Variants in CCDC88A observed in about 807,000 individuals in gnomAD.
CCDC88A encodes coiled-coil and HOOK domain protein 88A.
A neutral mutation model predicts 234.3 loss-of-function variants in CCDC88A; 54 were observed. The ratio of observed to expected loss-of-function variants is 0.23; its 90% CI spans 0.19 to 0.29. The LOEUF (loss-of-function observed/expected upper bound fraction) is 0.29, where lower values mean the gene tolerates loss of function less well. CCDC88A is among the 10% of genes least tolerant of loss of function. CCDC88A has a pLI of 1.00. For missense variants in CCDC88A, 1,832 were observed against 2,123.4 expected (o/e 0.86, Z 2.70); for synonymous variants, 753 against 737.8 (o/e 1.02, Z -0.33).
chr2:55,398,807 G>A (rs994951055), intron 2 of CCDC88A, among the ~76,000 whole-genome samples: 8 of 151,344 alleles, frequency 5.3e-5, no homozygotes, highest in Non-Finnish European at 1.0e-4. Flanking sequence ...TGAGGCTGCA[G>A]TGGACTGTGA....
intron 17 of CCDC88A, among the ~76,000 whole-genome samples, chr2:55,326,401 T>C (rs188130322): frequency 6.6e-6 from 1 of 152,320 alleles, no homozygotes; most frequent in Admixed American, 6.5e-5. Context: ...ATTTAGTGGT[T>C]ACTTTAACCC....
At chr2:55,397,622 T>C (rs138068785) in intron 2 of CCDC88A, among the ~76,000 whole-genome samples, 1 of 152,178 alleles carries the variant, frequency 6.6e-6, no homozygotes, top group Non-Finnish European at 1.5e-5. Context: ...ATACATTTTA[T>C]AATGTAAATG....
In CCDC88A at chr2:55,309,306, T is replaced by G. The variant is rs1250543788; in HGVS notation, c.4080-52A>C. ...ACAGGCATCATATTTTGTACAGCTA[T>G]GAATATTAAATTATTTGGTGACTGT... On this transcript the variant is annotated intron_variant, in intron 23 of 32. Transcript: ENST00000436346. The surrounding 1 kb of genome is among the most constrained non-coding windows in gnomAD (Gnocchi z 5.1). The G allele has an allele frequency of 1.2e-6, 1 of 811,500 alleles. No individual in the cohort carries two copies. The highest frequency in any genetic ancestry group is 2.7e-5 in the East Asian group (1 of 37,080). The allele number at this position is 811,500 out of a possible 1,614,324, so 50.3% of individuals were successfully genotyped here.
chr2:55,394,929 T>C (rs1326348480), intron 2 of CCDC88A, among the ~76,000 whole-genome samples: 1 of 152,002 alleles, frequency 6.6e-6, no homozygotes, highest in Non-Finnish European at 1.5e-5. Context: ...CACTGCAACC[T>C]CCACCTTCTG....
At chr2:55,392,853 C>A (rs1676869438) in intron 2 of CCDC88A, among the ~76,000 whole-genome samples, 1 of 148,194 alleles carries the variant, frequency 6.7e-6, no homozygotes, top group Admixed American at 6.7e-5. Context: ...GGAGTCTATT[C>A]TGTCCCACTA....
At chr2:55,333,254 A>G (rs1175698102) in intron 15 of CCDC88A, among the ~76,000 whole-genome samples, 2 of 152,222 alleles carry the variant, frequency 1.3e-5, no homozygotes, top group Non-Finnish European at 2.9e-5. Context: ...CAGAATGCTA[A>G]TATACTTTTA....
intron 3 of CCDC88A, among the ~76,000 whole-genome samples, chr2:55,380,110 C>T (rs1186320473): frequency 6.7e-6 from 1 of 148,210 alleles, no homozygotes; most frequent in African/African-American, 2.5e-5. Flanking sequence ...CTGGCACACA[C>T]CTGTCATCCC....
intron 5 of CCDC88A, among the ~76,000 whole-genome samples, chr2:55,367,272 G>A (rs1558752195): frequency 2.0e-5 from 3 of 152,068 alleles, no homozygotes; most frequent in Non-Finnish European, 4.4e-5. Context: ...CATTTAATGG[G>A]TACAGAGTTT....
chr2:55,390,642 C>G (rs1402852831), intron 2 of CCDC88A, among the ~76,000 whole-genome samples: 2 of 152,196 alleles, frequency 1.3e-5, no homozygotes, highest in African/African-American at 4.8e-5. Context: ...GCAGGTAATG[C>G]AAAGCTAGGT....
chr2:55,342,023 A>G (rs1668574491), intron 12 of CCDC88A, among the ~76,000 whole-genome samples: 1 of 152,312 alleles, frequency 6.6e-6, no homozygotes, highest in African/African-American at 2.4e-5. Flanking sequence ...ACCAGTTTAC[A>G]TTCCCACCTA....
chr2:55,327,641 G>A (rs1326090562), intron 17 of CCDC88A, among the ~76,000 whole-genome samples: 1 of 152,152 alleles, frequency 6.6e-6, no homozygotes, highest in East Asian at 1.9e-4. Flanking sequence ...AGTTAACCTT[G>A]AGACCACTCC....
chr2:55,331,863 A>G (rs2104679910), intron 16 of CCDC88A: 1 of 152,136 alleles, frequency 6.6e-6, no homozygotes, highest in African/African-American at 2.4e-5. Context: ...ATTTATCTTT[A>G]AGTCAACATT....
At chr2:55,378,434 G>C (rs1176702645) in intron 3 of CCDC88A, among the ~76,000 whole-genome samples, 1 of 152,058 alleles carries the variant, frequency 6.6e-6, no homozygotes, top group African/African-American at 2.4e-5. Context: ...ATTGTATTTG[G>C]GTAGAATGAA....
intron 7 of CCDC88A, 65 bp from the exon 8 acceptor site, chr2:55,355,816 A>G: frequency 7.9e-7 from 1 of 1,261,504 alleles, no homozygotes; most frequent in Admixed American, 2.0e-5. Flanking sequence ...CATCAACATG[A>G]TCCACTAGGT....
At position 55,300,940 on chromosome 2, in the gene CCDC88A, A is replaced by C. The variant is rs2104569841; in HGVS notation, c.4744+266T>G. On this transcript the variant is annotated intron_variant, in intron 28 of 32. Coordinates refer to ENST00000436346, the MANE Select transcript of CCDC88A (RefSeq NM_001365480.1). ...TCTTATAACTTTAATCTTATACAAAAATGGTAAGAAAATTACCTTTGAAGA... is the reference window on the plus strand; with the variant it reads ...TCTTATAACTTTAATCTTATACAAACATGGTAAGAAAATTACCTTTGAAGA... 9.3e-6 allele frequency: 3 copies of C among 322,242 alleles called. No homozygotes were observed. In the East Asian group the frequency reaches 1.7e-4, roughly 18 times the overall value. 20.0% of individuals were successfully genotyped at this position (322,242 alleles called of 1,614,324 possible).
chr2:55,335,286 T>C lies in CCDC88A; in HGVS notation c.1657-122A>G, dbSNP rs993955708. The C allele has an allele frequency of 5.4e-6, 3 of 558,838 alleles. No individual in the cohort carries two copies. Among genetic ancestry groups the C allele is most frequent in the African/African-American group, 3.9e-5 (2 of 51,426 alleles). The allele number at this position is 558,838 out of a possible 1,614,324, so 34.6% of individuals were successfully genotyped here. On this transcript the variant is annotated intron_variant, in intron 14 of 32. Transcript: ENST00000436346. The surrounding 1 kb of genome is among the most constrained non-coding windows in gnomAD (Gnocchi z 4.5). ...AGGGTGCTAGAACATGTCTTACTTTTAATTCTGACAAGTATTTACTGAAGA... is the reference window on the plus strand; with the variant it reads ...AGGGTGCTAGAACATGTCTTACTTTCAATTCTGACAAGTATTTACTGAAGA...
intron 25 of CCDC88A, chr2:55,308,442 T>C (rs1255049894): frequency 5.7e-6 from 1 of 176,936 alleles, no homozygotes; most frequent in Non-Finnish European, 1.2e-5. Context: ...AAGTTATATA[T>C]AATTATGAAA....
chr2:55,390,023 A>G (rs1327914869), intron 2 of CCDC88A, among the ~76,000 whole-genome samples: 1 of 137,270 alleles, frequency 7.3e-6, no homozygotes, highest in Non-Finnish European at 1.6e-5. Flanking sequence ...CCTGGGCTAC[A>G]GAGCGAGACT....
intron 6 of CCDC88A, 79 bp from the exon 7 acceptor site, chr2:55,362,527 G>A: frequency 8.3e-7 from 1 of 1,207,622 alleles, no homozygotes; most frequent in Non-Finnish European, 1.1e-6. Context: ...TACAATATTA[G>A]CCCAAGTATT....
Sources: allele counts gnomAD v4.1 joint callset (sites outside exome capture counted in the v4.1 genomes callset), GRCh38; gene constraint gnomAD v4.1.1; non-coding constraint Gnocchi (gnomAD v3.1); transcripts MANE v1.5; gene names NCBI Gene and HGNC (gene_info 2026-07-23, HGNC 2026-07-21).